Variants in SEMA3F observed in about 807,000 individuals in gnomAD.
SEMA3F encodes semaphorin 3F.
Under a neutral mutation model 98.5 loss-of-function variants are expected in SEMA3F, and 30 were observed. The ratio of observed to expected loss-of-function variants is 0.30; its 90% CI spans 0.23 to 0.41. The LOEUF is 0.41. SEMA3F is among the 10% of genes least tolerant of loss of function. The probability of loss-of-function intolerance (pLI) is 1.00; values close to 1 mark genes in which losing one functional copy is unlikely to be tolerated. For missense variants in SEMA3F, 866 were observed against 1,119.3 expected, an observed-to-expected ratio of 0.77 and a Z score of 3.23; for synonymous variants, 380 against 444.8, an observed-to-expected ratio of 0.85 and a Z score of 1.83.
Position 50,188,135 on chromosome 3 carries a change from C to T in SEMA3F, c.*20C>T, listed in dbSNP as rs11558285. 3,571 of 1,436,068 alleles carry T rather than the reference C, an allele frequency of 2.5e-3. 78 individuals are homozygous for T. In the African/African-American group the frequency reaches 0.045, roughly 18 times the overall value. The allele number at this position is 1,436,068 out of a possible 1,614,324, so 89.0% of individuals were successfully genotyped here. A position where few individuals can be genotyped will look rare whatever the true frequency, so the allele number is the denominator to read the frequency against. ...ACATGAGGCCAGCTGCCTGTGCCTGCCATGGGCCAGCCTAGCCCTTGTCCC... is the reference window on the plus strand; with the variant it reads ...ACATGAGGCCAGCTGCCTGTGCCTGTCATGGGCCAGCCTAGCCCTTGTCCC... On this transcript the variant is annotated 3_prime_UTR_variant, in exon 19 of 19. Coordinates refer to ENST00000002829, the MANE Select transcript of SEMA3F (RefSeq NM_004186.5). The surrounding 1 kb of genome is among the most constrained non-coding windows in gnomAD (Gnocchi z 4.5).
In SEMA3F at chr3:50,187,753, C is replaced by T; in HGVS notation, c.1996C>T (p.Arg666Cys). ...GCGCACAGAGCAGGGCTTGTTGCTC[C>T]GTGCACTGCAGCTCAGCGATCGTGG... is the stretch of plus-strand genomic sequence containing the variant. ...FLRTEQGLLLRALQLSDRGLY... is the reference protein window; with the variant it reads ...FLRTEQGLLLCALQLSDRGLY... The change falls in exon 19 of 19, where the codon CGT (arginine) becomes TGT (cysteine). Residue 666 changes from arginine (R) to cysteine (C), a missense_variant. Around this residue, in one of 3 missense-constraint regions of SEMA3F, gnomAD observed 245 missense variants for 260.5 expected, o/e 0.94. Coordinates refer to ENST00000002829, the MANE Select transcript of SEMA3F (RefSeq NM_004186.5). 5 of 1,612,498 alleles carry T rather than the reference C, an allele frequency of 3.1e-6. No individual in the cohort carries two copies. Among genetic ancestry groups the T allele is most frequent in the East Asian group, 2.2e-5 (1 of 44,846 alleles).
Position 50,185,430 on chromosome 3 carries a change from C to T in SEMA3F, c.1457-13C>T, listed in dbSNP as rs367618630. The T allele has an allele frequency of 1.4e-5, 22 of 1,609,666 alleles. No individual in the cohort carries two copies. Among genetic ancestry groups the T allele is most frequent in the South Asian group, 5.5e-5 (5 of 90,262 alleles). On this transcript the variant is annotated splice_polypyrimidine_tract_variant and intron_variant, in intron 13 of 18. Transcript: ENST00000002829. ...TCCCCAGCCCCACTGAGGCCCTGCC[C>T]GGCCCGTTCCAGACCGCGGGACAGT...
intron 18 of SEMA3F, 151 bp from the exon 19 acceptor site, chr3:50,187,554 A>G (rs1699267537): frequency 1.9e-6 from 1 of 515,524 alleles, no homozygotes; most frequent in Admixed American, 3.7e-5. Flanking sequence ...ATCTCTCATT[A>G]TGTAGAAACT....
rs772799248 is a variant in SEMA3F, at chr3:50,175,166, C to G, written c.527C>G (p.Pro176Arg). ...GSRATDGALR[P>R]MPTAPRQDYI... ...AGAGCCACGGATGGTGCCCTCCGCC[C>G]GATGCCCACAGCCCCACGCCAGGTG... is the stretch of plus-strand genomic sequence containing the variant. Residue 176 changes from proline to arginine, a missense_variant, in exon 6 of 19, where the codon CCG becomes CGG. Physicochemically the swap from Pro to Arg is moderately radical, Grantham distance 103. Around this residue, in one of 3 missense-constraint regions of SEMA3F, gnomAD observed 247 missense variants for 276.0 expected, o/e 0.89. Transcript: ENST00000002829. 6.2e-7 allele frequency: 1 copy of G among 1,604,390 alleles called. No homozygotes were observed. The highest frequency in any genetic ancestry group is 1.1e-5 in the South Asian group (1 of 89,506).
chr3:50,157,700 A>C (rs1698042513), intron 1 of SEMA3F, among the ~76,000 whole-genome samples: 1 of 151,356 alleles, frequency 6.6e-6, no homozygotes, highest in African/African-American at 2.4e-5. Flanking sequence ...CTCCCCATTC[A>C]CCTCTTTAAA....
intron 2 of SEMA3F, among the ~76,000 whole-genome samples, chr3:50,167,461 T>C (rs1559723263): frequency 6.6e-6 from 1 of 152,214 alleles, no homozygotes; most frequent in Non-Finnish European, 1.5e-5. Flanking sequence ...GAGGCTGAGC[T>C]GTGCCCTCAG....
chr3:50,185,302 G>T, intron 13 of SEMA3F, 141 bp from the exon 14 acceptor site: 1 of 768,382 alleles, frequency 1.3e-6, no homozygotes, highest in East Asian at 2.7e-5. Context: ...CCTTTGACCT[G>T]GGGAAACTCT....
intron 2 of SEMA3F, among the ~76,000 whole-genome samples, chr3:50,168,938 G>A (rs947569249): frequency 6.6e-6 from 1 of 152,166 alleles, no homozygotes; most frequent in African/African-American, 2.4e-5. Context: ...TTCAGCTCAG[G>A]GATTAGGGCT....
chr3:50,169,241 C>T (rs973259962), intron 2 of SEMA3F, among the ~76,000 whole-genome samples: 8 of 152,208 alleles, frequency 5.3e-5, no homozygotes, highest in Non-Finnish European at 1.5e-5. Flanking sequence ...AGTGCCTGTC[C>T]TCACCTGCCC....
intron 7 of SEMA3F, among the ~76,000 whole-genome samples, chr3:50,177,565 C>T (rs1698859863): frequency 6.6e-6 from 1 of 152,254 alleles, no homozygotes; most frequent in South Asian, 2.1e-4. Flanking sequence ...TATCCTCCCC[C>T]TCTTGGCAAG....
upstream of SEMA3F, chr3:50,155,118 G>A: frequency 4.8e-6 from 2 of 416,066 alleles, no homozygotes; most frequent in Non-Finnish European, 8.9e-6. The surrounding 1 kb of genome is among the most constrained non-coding windows in gnomAD (Gnocchi z 4.9). Context: ...GCGGCGGTCC[G>A]GAGAGCCCCG....
At position 50,185,913 on chromosome 3, in the gene SEMA3F, G is replaced by A. The variant is rs376640044; in HGVS notation, c.1612G>A (p.Val538Met). 1.5e-5 allele frequency: 25 copies of A among 1,613,152 alleles called. No homozygotes were observed. The highest frequency in any genetic ancestry group is 1.1e-4 in the African/African-American group (8 of 74,920). Reference sequence around the variant, plus strand: ...GCAACAACTCTACGTGGCGTCAGCCGTGGGTGTCACACACCTGAGCCTGCA... The same window carrying A: ...GCAACAACTCTACGTGGCGTCAGCCATGGGTGTCACACACCTGAGCCTGCA... ...KRQQLYVASA[V>M]GVTHLSLHRC... The change falls in exon 16 of 19, where the codon GTG becomes ATG. Residue 538 changes from valine to methionine, a missense_variant. Val to Met is a conservative substitution (Grantham distance 21, BLOSUM62 1). Transcript: ENST00000002829.
rs114128376 is a variant in SEMA3F, at chr3:50,155,677, C to T, written c.-49+113C>T. 0.022 allele frequency: 4,977 copies of T among 223,238 alleles called. 291 individuals are homozygous for T. Among genetic ancestry groups the T allele is most frequent in the African/African-American group, 0.11 (4,716 of 43,080 alleles). 13.8% of individuals were successfully genotyped at this position (223,238 alleles called of 1,614,324 possible). ...GAAGTGTCCGGGGAGCGGGTCTCGT[C>T]GAGCCGGGGGGCTGCCCGCGGACAT... On this transcript the variant is annotated intron_variant, in intron 1 of 18. Coordinates refer to ENST00000002829, the MANE Select transcript of SEMA3F (RefSeq NM_004186.5). This position sits in a 1 kb window ranked among gnomAD's most constrained non-coding sequence, Gnocchi z 4.9.
chr3:50,177,116 A>C (rs1477915607), intron 7 of SEMA3F, among the ~76,000 whole-genome samples: 1 of 152,202 alleles, frequency 6.6e-6, no homozygotes, highest in Non-Finnish European at 1.5e-5. Context: ...CCTACCCTGA[A>C]ACACACAATG....
At chr3:50,176,572 C>A (rs973284867) in intron 6 of SEMA3F, among the ~76,000 whole-genome samples, 196 bp from the exon 7 acceptor site, 1 of 152,168 alleles carries the variant, frequency 6.6e-6, no homozygotes, top group Non-Finnish European at 1.5e-5. Flanking sequence ...GAAGCACCCC[C>A]CTTGGAGCCC....
rs1394943631 is a variant in SEMA3F at position 50,166,315 on chromosome 3, G to T, written c.112+6581G>T. Among the ~76,000 whole-genome samples the T allele has an allele frequency of 6.6e-6, 1 of 152,218 alleles. No homozygotes were observed. Among genetic ancestry groups the T allele is most frequent in the Non-Finnish European group, 1.5e-5 (1 of 68,034 alleles). The stretch of plus-strand genomic sequence containing the variant: ...TTCAGCCAGCACGGTTGCCTTCTAA[G>T]GGTCATACACTACAATTGGCAGAGC... On this transcript the variant is annotated intron_variant, in intron 2 of 18. Coordinates refer to ENST00000002829, the MANE Select transcript of SEMA3F (RefSeq NM_004186.5). This position sits in a 1 kb window ranked among gnomAD's most constrained non-coding sequence, Gnocchi z 4.7.
At chr3:50,168,582 G>A (rs1171239637) in intron 2 of SEMA3F, among the ~76,000 whole-genome samples, 1 of 152,218 alleles carries the variant, frequency 6.6e-6, no homozygotes, top group Non-Finnish European at 1.5e-5. Flanking sequence ...GGGGTTCCCG[G>A]GGTTGTAGGT....
chr3:50,176,709 T>G lies in SEMA3F; in HGVS notation c.550-59T>G, dbSNP rs1039518664. 6.9e-6 allele frequency: 9 copies of G among 1,298,978 alleles called. No homozygotes were observed. In the African/African-American group the frequency reaches 1.3e-4, roughly 19 times the overall value. The allele number at this position is 1,298,978 out of a possible 1,614,324, so 80.5% of individuals were successfully genotyped here. ...TCTCACCCTGGGAGCCTGGTGACCC[T>G]TACACTTCCTGGCTGGGGGACTGGC... On this transcript the variant is annotated intron_variant, in intron 6 of 18. Coordinates refer to ENST00000002829, the MANE Select transcript of SEMA3F (RefSeq NM_004186.5).
intron 7 of SEMA3F, among the ~76,000 whole-genome samples, chr3:50,179,469 G>A (rs907055809): frequency 2.0e-5 from 3 of 152,102 alleles, no homozygotes; most frequent in African/African-American, 7.2e-5. Flanking sequence ...GGGATTACAG[G>A]CGCATGCCAC....
Sources: allele counts gnomAD v4.1 joint callset (sites outside exome capture counted in the v4.1 genomes callset), GRCh38; gene constraint gnomAD v4.1.1; regional missense constraint gnomAD v4.1.1; non-coding constraint Gnocchi (gnomAD v3.1); transcripts MANE v1.5; gene names NCBI Gene and HGNC (gene_info 2026-07-23, HGNC 2026-07-21).